HIVEP1: variants seen among roughly 807,000 people sequenced by gnomAD.
HIVEP1 encodes the protein HIVEP zinc finger 1.
A neutral mutation model predicts 180.0 loss-of-function variants in HIVEP1; 36 were observed. The ratio of observed to expected loss-of-function variants is 0.20; its 90% confidence interval spans 0.15 to 0.26. HIVEP1 has a LOEUF of 0.26. HIVEP1 is among the 10% of genes least tolerant of loss of function. The pLI, the probability that HIVEP1 is intolerant of heterozygous loss-of-function variation, is 1.00. For synonymous variants in HIVEP1, 1,239 were observed against 1,239.0 expected (o/e 1.00, Z 0.00); for missense variants, 3,143 against 3,268.7 (o/e 0.96, Z 0.94).
intron 3 of HIVEP1, among the ~76,000 whole-genome samples, chr6:12,101,834 T>C (rs1581683745): frequency 6.6e-6 from 1 of 152,018 alleles, no homozygotes; most frequent in Admixed American, 6.6e-5. Context: ...AAACAAGATC[T>C]GACTATACAC....
chr6:12,021,806 C>T (rs1380032378), intron 2 of HIVEP1, among the ~76,000 whole-genome samples: 1 of 152,144 alleles, frequency 6.6e-6, no homozygotes, highest in African/African-American at 2.4e-5. Context: ...GCTGGGATTA[C>T]AGGCCTGTGC....
chr6:12,116,002 A>G (rs984206683), intron 3 of HIVEP1, among the ~76,000 whole-genome samples: 1 of 151,878 alleles, frequency 6.6e-6, no homozygotes, highest in African/African-American at 2.4e-5. Context: ...TGCCTTTAAA[A>G]TGATGGAAAA....
rs563844883 is a variant in HIVEP1 at position 12,093,809 on chromosome 6, A to G, written c.94+4572A>G. 6.6e-5 allele frequency among the ~76,000 whole-genome samples: 10 copies of G among 152,196 alleles called. No individual in the cohort carries two copies. In the South Asian group the frequency reaches 2.1e-3, roughly 32 times the overall value. ...ATTGTCTTGATATATACAGTGTGCA[A>G]TAACTAGTATATACTATATACAGTA... On this transcript the variant is annotated intron_variant, in intron 3 of 8. Transcript: ENST00000379388.
intron 2 of HIVEP1, among the ~76,000 whole-genome samples, chr6:12,043,573 G>A (rs1397568383): frequency 2.0e-5 from 3 of 151,998 alleles, no homozygotes. Flanking sequence ...TACCATGTTG[G>A]TCAGGCTGGT....
chr6:12,130,671 G>A, intron 5 of HIVEP1, 96 bp from the exon 6 acceptor site: 1 of 621,010 alleles, frequency 1.6e-6, no homozygotes, highest in Non-Finnish European at 2.7e-6. Context: ...TATAAAAGTT[G>A]TGCCTTGTTT....
intron 2 of HIVEP1, among the ~76,000 whole-genome samples, chr6:12,067,172 A>C (rs553036985): frequency 6.6e-6 from 1 of 152,198 alleles, no homozygotes; most frequent in East Asian, 1.9e-4. Context: ...TAATTAAAAA[A>C]CTAACTTTTA....
intron 2 of HIVEP1, among the ~76,000 whole-genome samples, chr6:12,078,621 A>G (rs1019028493): frequency 1.6e-5 from 2 of 126,666 alleles, no homozygotes; most frequent in African/African-American, 6.4e-5. Context: ...AAAAAAAAAT[A>G]CATACATATA....
chr6:12,027,940 C>T (rs759155561), intron 2 of HIVEP1, among the ~76,000 whole-genome samples: 13 of 152,034 alleles, frequency 8.6e-5, no homozygotes, highest in African/African-American at 2.4e-4. Flanking sequence ...ATGATATTTT[C>T]GTGTTATGGT....
At chr6:12,106,503 C>T (rs1037644915) in intron 3 of HIVEP1, among the ~76,000 whole-genome samples, 2 of 151,806 alleles carry the variant, frequency 1.3e-5, no homozygotes, top group African/African-American at 2.4e-5. Flanking sequence ...TAATATTAGT[C>T]GAAGAATATT....
At chr6:12,156,144 A>G (rs1760029027) in intron 7 of HIVEP1, among the ~76,000 whole-genome samples, 1 of 152,146 alleles carries the variant, frequency 6.6e-6, no homozygotes, top group Non-Finnish European at 1.5e-5. Context: ...GACTCTGGAC[A>G]TTAGACCTTT....
At chr6:12,012,259 C>A (rs1305227306), upstream of HIVEP1, 1 of 145,438 alleles carries the variant, frequency 6.9e-6, no homozygotes, top group Non-Finnish European at 1.5e-5. Flanking sequence ...GCTCCCCCCC[C>A]CGCCCCCCGG....
intron 2 of HIVEP1, among the ~76,000 whole-genome samples, chr6:12,023,609 T>C (rs1458835632): frequency 6.6e-6 from 1 of 152,198 alleles, no homozygotes; most frequent in Non-Finnish European, 1.5e-5. Flanking sequence ...AGTGCTTAGT[T>C]TGAGGAGGAT....
At chr6:12,162,237 AC>A (rs1313269745) in intron 8 of HIVEP1, among the ~76,000 whole-genome samples, 1 of 136,864 alleles carries the variant, frequency 7.3e-6, no homozygotes, top group Non-Finnish European at 1.6e-5. Flanking sequence ...AAAAAAAAAA[AC>A]GTGACAGTGG....
chr6:12,167,799 CAT>C (rs1229630147), downstream of HIVEP1, among the ~76,000 whole-genome samples: 9 of 142,148 alleles, frequency 6.3e-5, no homozygotes, highest in East Asian at 4.1e-4. Flanking sequence ...AATATATACA[CAT>C]GTACATGTAT....
chr6:12,037,583 C>T, intron 2 of HIVEP1: 1 of 377,494 alleles, frequency 2.6e-6, no homozygotes, highest in Non-Finnish European at 4.7e-6. Context: ...AGAGGTTGCA[C>T]TGGATATTAT....
intron 7 of HIVEP1, among the ~76,000 whole-genome samples, chr6:12,141,305 A>T (rs182229566): frequency 6.6e-6 from 1 of 152,128 alleles, no homozygotes; most frequent in East Asian, 1.9e-4. Context: ...AAAATCCTTT[A>T]TAGACAAGCA....
intron 2 of HIVEP1, among the ~76,000 whole-genome samples, chr6:12,057,477 A>G (rs1160049333): frequency 6.6e-6 from 1 of 152,192 alleles, no homozygotes; most frequent in Non-Finnish European, 1.5e-5. Flanking sequence ...TATATGGTAT[A>G]TGGTCTAGAG....
intron 3 of HIVEP1, among the ~76,000 whole-genome samples, chr6:12,108,292 G>A (rs535821440): frequency 4.6e-5 from 7 of 152,218 alleles, no homozygotes; most frequent in Admixed American, 2.6e-4. Context: ...GATTCTCCGC[G>A]TCCCCACCAG....
intron 3 of HIVEP1, among the ~76,000 whole-genome samples, chr6:12,115,158 T>A (rs1775136369): frequency 6.6e-6 from 1 of 152,170 alleles, no homozygotes; most frequent in African/African-American, 2.4e-5. Context: ...AGCCTTTTAA[T>A]CTGTTTGCTT....
Sources: gnomAD v4.1 joint callset for allele counts (sites outside exome capture counted in the v4.1 genomes callset) on GRCh38, gnomAD v4.1.1 for gene constraint, MANE v1.5 for transcripts, NCBI Gene and HGNC (gene_info 2026-07-23, HGNC 2026-07-21) for gene names.